Variants in FBXW8 observed in about 807,000 individuals in gnomAD.
FBXW8 encodes F-box/WD repeat-containing protein 8.
FBXW8 carries 57 observed loss-of-function variants against 65.3 expected under a neutral mutation model. The observed-to-expected ratio is 0.87, with a 90% CI of 0.71 to 1.09. FBXW8 has a LOEUF of 1.09. Ranked by LOEUF, FBXW8 falls within the 50% of genes least tolerant of loss-of-function variation. FBXW8 has a pLI of 0.00. For synonymous variants in FBXW8, 308 were observed against 330.2 expected, an observed-to-expected ratio of 0.93 and a Z score of 0.73; for missense variants, 777 against 814.8, an observed-to-expected ratio of 0.95 and a Z score of 0.57.
At position 116,988,867 on chromosome 12, in the gene FBXW8, A is replaced by G. The variant is rs1953167833; in HGVS notation, c.1237A>G (p.Lys413Glu). Residue 413 changes from lysine to glutamate, a missense_variant and splice_region_variant, in exon 7 of 11, where the codon AAG (lysine) becomes GAG (glutamate). Lys to Glu is a moderately conservative substitution (Grantham distance 56). Coordinates refer to ENST00000652555, the MANE Select transcript of FBXW8 (RefSeq NM_153348.3). ...QGLGWVYEGS[K>E]ILVYSLEAGR... ...TCTGGGATGGGTGTACGAAGGAAGC[A>G]AGGTACACAACTAGCAAGATATATA... 2 of 1,613,342 alleles carry G rather than the reference A, an allele frequency of 1.2e-6. No individual in the cohort carries two copies. Among genetic ancestry groups the G allele is most frequent in the Non-Finnish European group, 1.7e-6 (2 of 1,179,402 alleles).
chr12:116,917,444 T>G (rs1880517193), intron 1 of FBXW8, among the ~76,000 whole-genome samples: 1 of 152,228 alleles, frequency 6.6e-6, no homozygotes, highest in Non-Finnish European at 1.5e-5. Context: ...AATCTGGTAC[T>G]ACCTTCTTAC....
intron 1 of FBXW8, among the ~76,000 whole-genome samples, chr12:116,917,383 TC>T (rs1269908963): frequency 1.3e-5 from 2 of 152,118 alleles, no homozygotes; most frequent in Non-Finnish European, 2.9e-5. Flanking sequence ...CATTTGAGAC[TC>T]CCTAGAATCT....
chr12:117,014,610 GCAGT>G (rs1410363514), intron 8 of FBXW8, among the ~76,000 whole-genome samples: 2 of 152,326 alleles, frequency 1.3e-5, no homozygotes, highest in African/African-American at 4.8e-5. Flanking sequence ...TTTTGAACAG[GCAGT>G]CACCCTGGTT....
At chr12:116,945,273 G>A (rs746298910) in intron 2 of FBXW8, 91 bp from the exon 3 acceptor site, 4 of 1,304,434 alleles carry the variant, frequency 3.1e-6, no homozygotes, top group Non-Finnish European at 4.3e-6. Flanking sequence ...CATAAACCCA[G>A]GGCAATAATA....
chr12:116,947,615 C>T (rs1883013912), intron 3 of FBXW8, among the ~76,000 whole-genome samples: 1 of 151,554 alleles, frequency 6.6e-6, no homozygotes, highest in Non-Finnish European at 1.5e-5. Flanking sequence ...TGGCACACAC[C>T]TGTAGTCCCA....
rs1384768189 is a variant in FBXW8 at position 117,029,300 on chromosome 12, A to AT, written c.*1130dup. 6.6e-6 allele frequency: 1 copy of AT among 152,250 alleles called. No individual in the cohort carries two copies. Among genetic ancestry groups the AT allele is most frequent in the Non-Finnish European group, 1.5e-5 (1 of 68,064 alleles). 9.4% of individuals were successfully genotyped at this position (152,250 alleles called of 1,614,324 possible). A position where few individuals can be genotyped will look rare whatever the true frequency, so the allele number is the denominator to read the frequency against. ...CAGGCAGGGCCCTGCTTTTCTAGGA[A>AT]TTGACTCCAATGCAGAATAGTGAGA... On this transcript the variant is annotated 3_prime_UTR_variant, in exon 11 of 11. Coordinates refer to ENST00000652555, the MANE Select transcript of FBXW8 (RefSeq NM_153348.3).
chr12:116,972,414 C>T (rs538913649), intron 5 of FBXW8, among the ~76,000 whole-genome samples: 1 of 152,278 alleles, frequency 6.6e-6, no homozygotes, highest in East Asian at 1.9e-4. Flanking sequence ...CATTCTGAAC[C>T]CTAGGGCTTG....
At chr12:116,966,149 T>C (rs1317065060) in intron 5 of FBXW8, among the ~76,000 whole-genome samples, 1 of 152,160 alleles carries the variant, frequency 6.6e-6, no homozygotes, top group African/African-American at 2.4e-5. Flanking sequence ...GATTTCCTTT[T>C]CAGCCTATAG....
At position 117,010,350 on chromosome 12, in the gene FBXW8, C is replaced by T. The variant is rs766057999; in HGVS notation, c.1267C>T (p.Arg423Cys). Residue 423 changes from arginine (R) to cysteine (C), a missense_variant, in exon 8 of 11, where the codon CGC (arginine) becomes TGC (cysteine). Transcript: ENST00000652555. ...KILVYSLEAG[R>C]RLLKLGNVLR... ...CCTGGTGTATAGCCTGGAAGCAGGA[C>T]GCCGCCTCTTGAAGCTGGGTAACGT... is the stretch of plus-strand genomic sequence containing the variant. The T allele has an allele frequency of 2.1e-5, 34 of 1,614,232 alleles. No homozygotes were observed. Among genetic ancestry groups the T allele is most frequent in the Non-Finnish European group, 2.6e-5 (31 of 1,180,042 alleles).
chr12:117,005,118 C>G (rs1953644604), intron 7 of FBXW8, among the ~76,000 whole-genome samples: 1 of 152,186 alleles, frequency 6.6e-6, no homozygotes, highest in South Asian at 2.1e-4. Context: ...ATGAAGAGAT[C>G]TCTGTGGAAC....
intron 5 of FBXW8, among the ~76,000 whole-genome samples, chr12:116,974,048 C>A (rs1335700730): frequency 2.0e-5 from 3 of 152,186 alleles, no homozygotes; most frequent in African/African-American, 7.2e-5. Context: ...CCCACAGTTA[C>A]ACCAGCTCAC....
chr12:116,971,701 C>G (rs1884658724), intron 5 of FBXW8, among the ~76,000 whole-genome samples: 1 of 151,912 alleles, frequency 6.6e-6, no homozygotes, highest in Non-Finnish European at 1.5e-5. Context: ...TTTTTTAAAT[C>G]TGTGCTTTTG....
chr12:117,012,960 G>C lies in FBXW8; in HGVS notation c.1367+2510G>C, dbSNP rs566145878. Among the ~76,000 whole-genome samples the C allele has an allele frequency of 4.6e-5, 7 of 152,214 alleles. 1 individual carries two copies. In the South Asian group the frequency reaches 1.5e-3, roughly 32 times the overall value. On this transcript the variant is annotated intron_variant, in intron 8 of 10. Transcript: ENST00000652555. ...TAAGGAGTTTTATTTTGGGGGTGTG[G>C]GGGGACAGTGAGCTTAAAGTAAAAA...
At chr12:117,022,744 T>C (rs1011696756) in intron 8 of FBXW8, among the ~76,000 whole-genome samples, 4 of 152,208 alleles carry the variant, frequency 2.6e-5, no homozygotes, top group African/African-American at 9.7e-5. Context: ...CTGAGTAAAC[T>C]GCCCCTTCGT....
intron 2 of FBXW8, among the ~76,000 whole-genome samples, chr12:116,944,514 C>G (rs1202167456): frequency 6.6e-6 from 1 of 152,120 alleles, no homozygotes. Context: ...AAGTGAGACT[C>G]AACTTTTGGA....
chr12:117,000,302 C>T (rs1341378642), intron 7 of FBXW8, among the ~76,000 whole-genome samples: 3 of 152,220 alleles, frequency 2.0e-5, no homozygotes, highest in South Asian at 2.1e-4. Flanking sequence ...ATACCGGCAC[C>T]GCCCAGCACT....
chr12:117,018,150 T>C (rs1200201912), intron 8 of FBXW8, among the ~76,000 whole-genome samples: 7 of 152,200 alleles, frequency 4.6e-5, no homozygotes, highest in African/African-American at 1.7e-4. Flanking sequence ...TGGTGTCTTT[T>C]GTTTTAATTG....
chr12:117,018,633 A>C (rs150110507), intron 8 of FBXW8, among the ~76,000 whole-genome samples: 1 of 152,282 alleles, frequency 6.6e-6, no homozygotes, highest in East Asian at 1.9e-4. Context: ...CTCTAAGGAG[A>C]TGTCAGAAAA....
At chr12:117,000,293 T>A (rs1379227976) in intron 7 of FBXW8, among the ~76,000 whole-genome samples, 1 of 152,202 alleles carries the variant, frequency 6.6e-6, no homozygotes, top group East Asian at 1.9e-4. Context: ...CATATTTTCA[T>A]ACCGGCACCG....
Sources: gnomAD v4.1 joint callset for allele counts (sites outside exome capture counted in the v4.1 genomes callset) on GRCh38, gnomAD v4.1.1 for gene constraint, MANE v1.5 for transcripts, NCBI Gene and HGNC (gene_info 2026-07-23, HGNC 2026-07-21) for gene names.